Variants in DGKI observed in about 807,000 individuals in gnomAD.
The protein encoded by DGKI is DAG kinase iota.
Under a neutral mutation model 147.5 loss-of-function variants are expected in DGKI, and 55 were observed. The ratio of observed to expected loss-of-function variants is 0.37; its 90% CI spans 0.30 to 0.47. The LOEUF (loss-of-function observed/expected upper bound fraction) is 0.47, where lower values mean the gene tolerates loss of function less well. Among genes scored for constraint, DGKI ranks in the 20% least tolerant of loss-of-function variants. DGKI has a pLI of 1.00. For synonymous variants in DGKI, 469 were observed against 477.1 expected (o/e 0.98, Z 0.22); for missense variants, 1,007 against 1,323.8 (o/e 0.76, Z 3.71).
chr7:137,407,500 C>T (rs1432621879), intron 30 of DGKI, among the ~76,000 whole-genome samples: 2 of 151,950 alleles, frequency 1.3e-5, no homozygotes, highest in African/African-American at 2.4e-5. Context: ...AACGATGAAC[C>T]GCAAATACAG....
rs1231988576 is a variant in DGKI, at chr7:137,472,318, AATTATT to A, written c.2374-2705_2374-2700del. ...TGTATATTTATGTGTATATACATAT[AATTATT>A]ATATGTATATATACATATAATTATT... On this transcript the variant is annotated intron_variant, in intron 23 of 32. Coordinates refer to ENST00000614521, the MANE Select transcript of DGKI (RefSeq NM_001321708.2). 1.6e-4 allele frequency among the ~76,000 whole-genome samples: 13 copies of A among 81,338 alleles called. 2 individuals carry two copies. Among genetic ancestry groups the A allele is most frequent in the African/African-American group, 1.4e-3 (13 of 9,088 alleles). The allele number at this position is 81,338 out of a possible 152,430, so 53.4% of individuals were successfully genotyped here. A position where few individuals can be genotyped will look rare whatever the true frequency, so the allele number is the denominator to read the frequency against.
rs1229877065 is a variant in DGKI, at chr7:137,838,028, G to C, written c.401+8434C>G. 4.8e-5 allele frequency among the ~76,000 whole-genome samples: 6 copies of C among 124,622 alleles called. No homozygotes were observed. The East Asian group carries it at 9.1e-4, about 19-fold the overall frequency. 81.8% of individuals were successfully genotyped at this position (124,622 alleles called of 152,430 possible). ...TTTTTTTTTTTTTTTTTTTTAGACA[G>C]AGTCTCACTCTGTCACCAGGCTGGA... On this transcript the variant is annotated intron_variant, in intron 1 of 32. Coordinates refer to ENST00000614521, the MANE Select transcript of DGKI (RefSeq NM_001321708.2).
At chr7:137,833,687 C>T (rs145588838) in intron 1 of DGKI, among the ~76,000 whole-genome samples, 5 of 152,294 alleles carry the variant, frequency 3.3e-5, no homozygotes, top group Non-Finnish European at 7.4e-5. Context: ...TTTGACAATC[C>T]TTTGAGTCCA....
At chr7:137,420,140 A>T (rs928702491) in intron 28 of DGKI, among the ~76,000 whole-genome samples, 25 of 152,152 alleles carry the variant, frequency 1.6e-4, no homozygotes, top group Admixed American at 1.3e-4. Flanking sequence ...CTCATGTGGG[A>T]TTCCTGGGCT....
At chr7:137,418,376 A>G (rs1812437354) in intron 28 of DGKI, among the ~76,000 whole-genome samples, 1 of 152,248 alleles carries the variant, frequency 6.6e-6, no homozygotes, top group African/African-American at 2.4e-5. Context: ...TGATGTTTTT[A>G]GCCCCATCAC....
chr7:137,561,332 A>G (rs551400057), intron 19 of DGKI, among the ~76,000 whole-genome samples: 1 of 152,324 alleles, frequency 6.6e-6, no homozygotes, highest in Admixed American at 6.5e-5. Context: ...GTTAACCACC[A>G]CACATTCTCG....
Position 137,477,703 on chromosome 7 carries a change from C to T in DGKI, c.2373+7671G>A, listed in dbSNP as rs912652889. ...ACAGGGTCTCACCCTGTCACCCAGGCGGGAGTGCAGTGGTGCAATCTCAGC... is the reference window on the plus strand; with the variant it reads ...ACAGGGTCTCACCCTGTCACCCAGGTGGGAGTGCAGTGGTGCAATCTCAGC... On this transcript the variant is annotated intron_variant, in intron 23 of 32. Transcript: ENST00000614521. 5.9e-5 allele frequency among the ~76,000 whole-genome samples: 9 copies of T among 152,180 alleles called. No homozygotes were observed. In the South Asian group the frequency reaches 1.2e-3, roughly 21 times the overall value.
intron 6 of DGKI, among the ~76,000 whole-genome samples, chr7:137,638,428 C>G (rs1821408615): frequency 2.0e-5 from 2 of 98,456 alleles, no homozygotes; most frequent in Non-Finnish European, 3.7e-5. Flanking sequence ...GCAAGAACAA[C>G]TATATATATA....
chr7:137,680,362 T>C (rs1823194099), intron 2 of DGKI, among the ~76,000 whole-genome samples: 1 of 152,204 alleles, frequency 6.6e-6, no homozygotes, highest in Non-Finnish European at 1.5e-5. Flanking sequence ...CAATAAGAAA[T>C]TCTATAGAAT....
chr7:137,699,174 G>T (rs555631163), intron 1 of DGKI, among the ~76,000 whole-genome samples: 1 of 152,290 alleles, frequency 6.6e-6, no homozygotes, highest in South Asian at 2.1e-4. Flanking sequence ...AGGCAAATGT[G>T]CTTGCTTAGG....
intron 23 of DGKI, among the ~76,000 whole-genome samples, chr7:137,470,559 A>G (rs1814841723): frequency 6.6e-6 from 1 of 151,586 alleles, no homozygotes; most frequent in South Asian, 2.1e-4. Context: ...TTTAATTTTT[A>G]TTTCATTTAT....
intron 1 of DGKI, among the ~76,000 whole-genome samples, chr7:137,737,850 C>A (rs567666846): frequency 3.9e-3 from 597 of 152,186 alleles, no homozygotes; most frequent in Non-Finnish European, 6.9e-3. Context: ...CAACCACATC[C>A]TTGGGAATCT....
In DGKI at chr7:137,493,775, C is replaced by A. The variant is rs886676561; in HGVS notation, c.2249-6086G>T. On this transcript the variant is annotated intron_variant, in intron 21 of 32. Coordinates refer to ENST00000614521, the MANE Select transcript of DGKI (RefSeq NM_001321708.2). ...CTGGCAACTCAAAAAGCCAGAGAGT[C>A]TTCTTACCTCCAAATGACTGCACTA... 7.1e-6 allele frequency: 5 copies of A among 701,940 alleles called. No homozygotes were observed. The East Asian group carries it at 1.3e-4, about 19-fold the overall frequency. 43.5% of individuals were successfully genotyped at this position (701,940 alleles called of 1,614,324 possible).
intron 21 of DGKI, among the ~76,000 whole-genome samples, chr7:137,508,958 AG>A (rs1219658349): frequency 6.6e-6 from 1 of 152,142 alleles, no homozygotes; most frequent in East Asian, 1.9e-4. Flanking sequence ...CACATTACTC[AG>A]GAAGTCAAAA....
At chr7:137,790,414 T>C (rs373993126) in intron 1 of DGKI, among the ~76,000 whole-genome samples, 3 of 152,346 alleles carry the variant, frequency 2.0e-5, no homozygotes. Context: ...TTCTTTCTTA[T>C]GGAATTTCAA....
In DGKI at chr7:137,623,497, A is replaced by AG; in HGVS notation, c.861dup (p.Trp288LeufsTer9). 1 of 1,614,022 alleles carries AG rather than the reference A, an allele frequency of 6.2e-7. No individual in the cohort carries two copies. On this transcript the variant is annotated frameshift_variant, in exon 7 of 33. Coordinates refer to ENST00000614521, the MANE Select transcript of DGKI (RefSeq NM_001321708.2). LOFTEE classifies it high-confidence loss of function. Reference sequence around the variant, plus strand: ...CCCAATCTTACCGCCTGCTTGCACCAGGAACAGCTGATAGCCACAATCTCT... The same window carrying AG: ...CCCAATCTTACCGCCTGCTTGCACCAGGGAACAGCTGATAGCCACAATCTCT...
chr7:137,841,378 T>C (rs967432171), intron 1 of DGKI, among the ~76,000 whole-genome samples: 7 of 152,248 alleles, frequency 4.6e-5, no homozygotes, highest in Non-Finnish European at 1.0e-4. Flanking sequence ...CCCATTTTTA[T>C]AGGCATTTTG....
chr7:137,554,914 C>CTTTTTTTT (rs757320303), intron 19 of DGKI, among the ~76,000 whole-genome samples: 16 of 107,426 alleles, frequency 1.5e-4, no homozygotes, highest in Non-Finnish European at 2.2e-4. Context: ...AAACTATTTT[C>CTTTTTTTT]TTTTTTTTTT....
chr7:137,521,770 G>T, intron 21 of DGKI, 96 bp downstream of exon 21: 1 of 856,250 alleles, frequency 1.2e-6, no homozygotes, highest in Non-Finnish European at 1.9e-6. Context: ...TGATTTTCAG[G>T]CACAAGGATA....
Sources: gnomAD v4.1 joint callset for allele counts (sites outside exome capture counted in the v4.1 genomes callset) on GRCh38, gnomAD v4.1.1 for gene constraint, MANE v1.5 for transcripts, NCBI Gene and HGNC (gene_info 2026-07-23, HGNC 2026-07-21) for gene names.